The following RBM19 variants were observed in gnomAD, a reference collection of about 807,000 sequenced individuals.
The protein encoded by RBM19 is RNA binding motif protein 19.
RBM19 carries 94 observed loss-of-function variants against 116.8 expected under a neutral mutation model. The ratio of observed to expected loss-of-function variants is 0.80; its 90% CI spans 0.68 to 0.95. RBM19 has a LOEUF of 0.95. Among genes scored for constraint, RBM19 ranks in the 40% least tolerant of loss-of-function variants. The pLI is 0.00. For synonymous variants in RBM19, 475 were observed against 494.1 expected (o/e 0.96, Z 0.51); for missense variants, 1,161 against 1,220.7 (o/e 0.95, Z 0.73).
At position 113,920,629 on chromosome 12, in the gene RBM19, T is replaced by C; in HGVS notation, c.2367A>G (p.Lys789=). The change falls in exon 19 of 24, where the codon AAA becomes AAG. Residue 789 remains lysine (K), a synonymous_variant. Transcript: ENST00000261741. Reference sequence around the variant, plus strand: ...ACTTTACCTGGAGCTGCTTGAGAGCTTTCTGGGCTTGCTCCGGCTTCCTGT... The same window carrying C: ...ACTTTACCTGGAGCTGCTTGAGAGCCTTCTGGGCTTGCTCCGGCTTCCTGT... The part of the protein sequence containing the change: ...VEYRKPEQAQ[K]ALKQLQGHVV... 1 of 1,614,058 alleles carries C rather than the reference T, an allele frequency of 6.2e-7. No homozygotes were observed. Among genetic ancestry groups the C allele is most frequent in the Non-Finnish European group, 8.5e-7 (1 of 1,179,978 alleles).
downstream of RBM19, among the ~76,000 whole-genome samples, chr12:113,821,094 G>A (rs1159658089): frequency 6.6e-6 from 1 of 152,220 alleles, no homozygotes; most frequent in Non-Finnish European, 1.5e-5. Context: ...GACTCAGCAG[G>A]TTAAGTCACT....
At chr12:113,904,384 G>A (rs1234394867) in intron 21 of RBM19, among the ~76,000 whole-genome samples, 1 of 152,218 alleles carries the variant, frequency 6.6e-6, no homozygotes, top group Admixed American at 6.5e-5. Context: ...AAGAGTATCT[G>A]TGAGTGCAAA....
intron 21 of RBM19, among the ~76,000 whole-genome samples, chr12:113,912,236 C>T (rs780473061): frequency 6.6e-5 from 10 of 152,214 alleles, no homozygotes; most frequent in African/African-American, 9.7e-5. Flanking sequence ...GAATGCTCTC[C>T]GGAGCCCTGC....
chr12:113,853,004 T>G (rs1388149248), intron 22 of RBM19, among the ~76,000 whole-genome samples: 1 of 152,220 alleles, frequency 6.6e-6, no homozygotes. Context: ...CTTAATGAGC[T>G]TTGTCCGGCT....
intron 16 of RBM19, among the ~76,000 whole-genome samples, chr12:113,929,060 C>A (rs773834021): frequency 6.6e-6 from 1 of 152,162 alleles, no homozygotes. Context: ...GCAGAAGCAC[C>A]TGGAGGTCCC....
At chr12:113,867,380 A>G (rs1878896602) in intron 21 of RBM19, among the ~76,000 whole-genome samples, 1 of 152,228 alleles carries the variant, frequency 6.6e-6, no homozygotes, top group Non-Finnish European at 1.5e-5. Flanking sequence ...AATATTTCCC[A>G]AGCATATCCT....
At chr12:113,932,619 G>GT (rs1382715702) in intron 16 of RBM19, 1 of 152,232 alleles carries the variant, frequency 6.6e-6, no homozygotes, top group Non-Finnish European at 1.5e-5. Flanking sequence ...CCAGAGAGGC[G>GT]TGGAGACAGC....
intron 23 of RBM19, among the ~76,000 whole-genome samples, chr12:113,843,184 A>G (rs2135715273): frequency 6.6e-6 from 1 of 152,326 alleles, no homozygotes; most frequent in East Asian, 1.9e-4. Context: ...CTGGTTTGGC[A>G]ACAGAGCTGC....
chr12:113,960,008 T>G, intron 3 of RBM19, 51 bp downstream of exon 3: 1 of 1,613,882 alleles, frequency 6.2e-7, no homozygotes, highest in African/African-American at 1.3e-5. Flanking sequence ...CAAAAGTGAG[T>G]GACTACCCTG....
intron 21 of RBM19, among the ~76,000 whole-genome samples, chr12:113,859,546 A>T (rs1878195735): frequency 6.6e-6 from 1 of 152,134 alleles, no homozygotes. Flanking sequence ...GGAGAAGAAA[A>T]TGGCTTGGCT....
At chr12:113,955,025 G>A in intron 7 of RBM19, 106 bp downstream of exon 7, 1 of 1,112,728 alleles carries the variant, frequency 9.0e-7, no homozygotes, top group African/African-American at 1.5e-5. Flanking sequence ...TCCAGCTCAT[G>A]TCCTCAACCG....
chr12:113,884,236 T>G (rs1304273367), intron 21 of RBM19, among the ~76,000 whole-genome samples: 1 of 150,778 alleles, frequency 6.6e-6, no homozygotes, highest in African/African-American at 2.4e-5. Context: ...TAGTCCATTA[T>G]AGCACCACTG....
At chr12:113,892,674 C>T (rs1274907790) in intron 21 of RBM19, among the ~76,000 whole-genome samples, 5 of 152,038 alleles carry the variant, frequency 3.3e-5, no homozygotes, top group African/African-American at 4.8e-5. Flanking sequence ...TGAACAGAGA[C>T]GGGGAAGAGA....
Position 113,946,463 on chromosome 12 carries a change from G to A in RBM19, c.1420C>T (p.His474Tyr), listed in dbSNP as rs150497537. The A allele has an allele frequency of 2.5e-4, 410 of 1,614,046 alleles. No homozygotes were observed. The highest frequency in any genetic ancestry group is 3.2e-4 in the Admixed American group (19 of 60,004). ...TTCTTGATGGTAGATGGTAACACGT[G>A]GAGCATCCTGCCCTGGATGGGAATG... ...DGQVFQGRML[H>Y]VLPSTIKKEA... The change falls in exon 12 of 24, where the codon CAC becomes TAC. Residue 474 changes from histidine (H) to tyrosine (Y), a missense_variant. His to Tyr is a moderately conservative substitution (Grantham distance 83). Coordinates refer to ENST00000261741, the MANE Select transcript of RBM19 (RefSeq NM_016196.4).
At chr12:113,951,872 C>T (rs1871497002) in intron 8 of RBM19, among the ~76,000 whole-genome samples, 1 of 152,232 alleles carries the variant, frequency 6.6e-6, no homozygotes, top group Non-Finnish European at 1.5e-5. Flanking sequence ...AGTACACATC[C>T]AGCGGCTTCC....
At chr12:113,950,865 C>G (rs913833314) in intron 8 of RBM19, among the ~76,000 whole-genome samples, 1 of 152,126 alleles carries the variant, frequency 6.6e-6, no homozygotes, top group African/African-American at 2.4e-5. Flanking sequence ...CTCATCCATC[C>G]CCATAAACAT....
chr12:113,848,603 G>C (rs1297032667), intron 22 of RBM19, among the ~76,000 whole-genome samples: 1 of 152,158 alleles, frequency 6.6e-6, no homozygotes, highest in Non-Finnish European at 1.5e-5. Flanking sequence ...TTTTGGGTTG[G>C]CACAGAAAAG....
chr12:113,957,644 G>A (rs1284287682), intron 6 of RBM19, 138 bp downstream of exon 6: 3 of 1,289,170 alleles, frequency 2.3e-6, no homozygotes, highest in Non-Finnish European at 3.0e-6. Context: ...AAGCGGCAGG[G>A]CCAAGATCGG....
Position 113,935,439 on chromosome 12 carries a change from C to G in RBM19, c.2068+1568G>C, listed in dbSNP as rs1484650684. On this transcript the variant is annotated intron_variant, in intron 16 of 23. Transcript: ENST00000261741. ...AATTTTGTTTTGATGGGAACAGGCA[C>G]AGGTTTTGAAGGAGACCCTGATCCA... 2.0e-5 allele frequency among the ~76,000 whole-genome samples: 3 copies of G among 152,166 alleles called. No individual in the cohort carries two copies. In the East Asian group the frequency reaches 5.8e-4, roughly 29 times the overall value.
Sources: gnomAD v4.1 joint callset for allele counts (sites outside exome capture counted in the v4.1 genomes callset) on GRCh38, gnomAD v4.1.1 for gene constraint, MANE v1.5 for transcripts, NCBI Gene and HGNC (gene_info 2026-07-23, HGNC 2026-07-21) for gene names.